Variants in TALDO1 observed in about 807,000 individuals in gnomAD.
The protein encoded by TALDO1 is transaldolase.
In TALDO1, 29 loss-of-function variants were observed where a neutral mutation model predicts 38.1. That is an observed-to-expected ratio of 0.76 (90% CI 0.57 to 1.04). The LOEUF is 1.04. TALDO1 is among the 50% of genes least tolerant of loss of function. The probability of loss-of-function intolerance (pLI) is 0.00; values close to 1 mark genes in which losing one functional copy is unlikely to be tolerated. For missense variants in TALDO1, 499 were observed against 438.1 expected (o/e 1.14, Z -1.24); for synonymous variants, 207 against 176.8 (o/e 1.17, Z -1.36).
chr11:761,397 A>C (rs1034398692), intron 4 of TALDO1, among the ~76,000 whole-genome samples: 3 of 151,296 alleles, frequency 2.0e-5, no homozygotes, highest in African/African-American at 7.3e-5. Context: ...GCTACTTAGG[A>C]GGCTGAGGCG....
chr11:763,602 G>A lies in TALDO1; in HGVS notation c.637+83G>A, dbSNP rs762199146. The A allele has an allele frequency of 6.2e-5, 98 of 1,587,188 alleles. 1 individual carries two copies. Among genetic ancestry groups the A allele is most frequent in the South Asian group, 3.0e-4 (27 of 90,370 alleles). On this transcript the variant is annotated intron_variant, in intron 5 of 7. Transcript: ENST00000319006. ...AGGAAGAGCCCGAGACGGAGCTGCC[G>A]CATCAACAAGCAGTGAGGTGCACAG...
At position 747,467 on chromosome 11, in the gene TALDO1, C is replaced by A. The variant is rs746456639; in HGVS notation, c.-15C>A. On this transcript the variant is annotated 5_prime_UTR_variant, in exon 1 of 8. Coordinates refer to ENST00000319006, the MANE Select transcript of TALDO1 (RefSeq NM_006755.2). ...CCGTCGCCGCCGCCGCCGCCGCAGA[C>A]CCCTCGGTCTTGCTATGTCGAGCTC... The A allele has an allele frequency of 4.5e-6, 7 of 1,571,054 alleles. No homozygotes were observed. In the Admixed American group the frequency reaches 1.1e-4, roughly 24 times the overall value.
At chr11:759,230 G>C (rs996185133) in intron 3 of TALDO1, among the ~76,000 whole-genome samples, 173 bp downstream of exon 3, 1 of 152,138 alleles carries the variant, frequency 6.6e-6, no homozygotes, top group Admixed American at 6.5e-5. Flanking sequence ...AGAGCTCCTT[G>C]TTTAGCAACT....
intron 1 of TALDO1, among the ~76,000 whole-genome samples, chr11:750,854 G>A (rs912530718): frequency 6.6e-6 from 1 of 151,902 alleles, no homozygotes; most frequent in African/African-American, 2.4e-5. Flanking sequence ...TACTGAACTG[G>A]CTAATCTGGA....
intron 7 of TALDO1, 111 bp from the exon 8 acceptor site, chr11:764,698 CCACA>C (rs1863018587): frequency 3.9e-6 from 6 of 1,547,446 alleles, no homozygotes; most frequent in South Asian, 1.1e-5. Flanking sequence ...GCCGTGGCCC[CCACA>C]CAGAGTGCAG....
chr11:751,413 A>G (rs1862748940), intron 1 of TALDO1, among the ~76,000 whole-genome samples: 1 of 152,134 alleles, frequency 6.6e-6, no homozygotes, highest in South Asian at 2.1e-4. Flanking sequence ...TCATGCGTAT[A>G]ATCCCCAGCA....
In TALDO1 at chr11:764,793, C is replaced by T. The variant is rs1230242806; in HGVS notation, c.982-20C>T. 6.2e-6 allele frequency: 10 copies of T among 1,614,028 alleles called. No homozygotes were observed. Among genetic ancestry groups the T allele is most frequent in the East Asian group, 2.2e-5 (1 of 44,892 alleles). ...GAAGGTAGGGTGGGGAGACACAGCT[C>T]GTGCTCTGTTTGTTTCTAGGAACGA... On this transcript the variant is annotated intron_variant, in intron 7 of 7. Transcript: ENST00000319006.
At chr11:763,545 G>GT (rs1392928991) in intron 5 of TALDO1, 26 bp downstream of exon 5, 1 of 1,613,410 alleles carries the variant, frequency 6.2e-7, no homozygotes, top group Non-Finnish European at 8.5e-7. Flanking sequence ...TGGTAATGGG[G>GT]TAAGGGGAGC....
intron 4 of TALDO1, chr11:761,041 G>C (rs902246099): frequency 7.4e-6 from 1 of 135,784 alleles, no homozygotes; most frequent in East Asian, 2.3e-4. Context: ...AAAAAGAAAA[G>C]AAAACTTTTA....
At chr11:747,710 T>C in intron 1 of TALDO1, 132 bp downstream of exon 1, 1 of 750,648 alleles carries the variant, frequency 1.3e-6, no homozygotes. Flanking sequence ...CCGGGAGGAA[T>C]GAGCGCAGGT....
At chr11:751,761 C>T (rs1211063281) in intron 1 of TALDO1, among the ~76,000 whole-genome samples, 1 of 152,066 alleles carries the variant, frequency 6.6e-6, no homozygotes, top group Non-Finnish European at 1.5e-5. Flanking sequence ...CGCCACTGCA[C>T]TCTAGCCTGG....
chr11:751,333 A>C (rs1353940210), intron 1 of TALDO1, among the ~76,000 whole-genome samples: 2 of 152,208 alleles, frequency 1.3e-5, no homozygotes, highest in Non-Finnish European at 2.9e-5. Context: ...AAAAAATTGC[A>C]GTTCAAGCAG....
intron 4 of TALDO1, among the ~76,000 whole-genome samples, chr11:761,215 A>C (rs1862918832): frequency 6.6e-6 from 1 of 151,904 alleles, no homozygotes; most frequent in African/African-American, 2.4e-5. Flanking sequence ...AGGTGCCTGT[A>C]ATCCTAGCTA....
chr11:757,203 T>C (rs1862852285), intron 2 of TALDO1, among the ~76,000 whole-genome samples: 1 of 152,048 alleles, frequency 6.6e-6, no homozygotes, highest in Non-Finnish European at 1.5e-5. Context: ...GAGGCCTTGG[T>C]GCTCCTGTTA....
intron 3 of TALDO1, 105 bp downstream of exon 3, chr11:759,162 C>T: frequency 1.1e-6 from 1 of 934,356 alleles, no homozygotes; most frequent in Non-Finnish European, 1.7e-6. Flanking sequence ...TGGTCTTCAT[C>T]CCAAGGGCCC....
In TALDO1 at chr11:755,918, C is replaced by T. The variant is rs761374175; in HGVS notation, c.137C>T (p.Pro46Leu). 12 of 1,614,148 alleles carry T rather than the reference C, an allele frequency of 7.4e-6. No homozygotes were observed. Among genetic ancestry groups the T allele is most frequent in the Non-Finnish European group, 1.0e-5 (12 of 1,180,026 alleles). The change falls in exon 2 of 8, where the codon CCG becomes CTG. Residue 46 changes from proline (P) to leucine (L), a missense_variant. Physicochemically the swap from Pro to Leu is moderately conservative, Grantham distance 98. Transcript: ENST00000319006. ...EYKPQDATTNPSLILAAAQMP... is the reference protein window; with the variant it reads ...EYKPQDATTNLSLILAAAQMP... ...AAGCCCCAGGATGCTACCACCAACC[C>T]GTCCCTGATCCTGGCCGCAGCACAG...
chr11:758,943 A>T lies in TALDO1; in HGVS notation c.222-7A>T. 6.2e-7 allele frequency: 1 copy of T among 1,606,792 alleles called. No homozygotes were observed. Among genetic ancestry groups the T allele is most frequent in the Non-Finnish European group, 8.5e-7 (1 of 1,175,534 alleles). ...TCTAACCTGCTTTTTTTCCCTTTGAATTTCAGGTCACAAGAGGACCAGATT... is the reference window on the plus strand; with the variant it reads ...TCTAACCTGCTTTTTTTCCCTTTGATTTTCAGGTCACAAGAGGACCAGATT... On this transcript the variant is annotated splice_polypyrimidine_tract_variant and splice_region_variant and intron_variant, in intron 2 of 7. Coordinates refer to ENST00000319006, the MANE Select transcript of TALDO1 (RefSeq NM_006755.2).
At chr11:760,059 G>C in intron 3 of TALDO1, 63 bp from the exon 4 acceptor site, 1 of 1,609,348 alleles carries the variant, frequency 6.2e-7, no homozygotes, top group Non-Finnish European at 8.5e-7. Flanking sequence ...CCGGCCTCCA[G>C]CTTGCTCTGC....
chr11:755,134 CCTTT>C (rs1564991032), intron 1 of TALDO1, among the ~76,000 whole-genome samples: 1 of 122,014 alleles, frequency 8.2e-6, no homozygotes, highest in Non-Finnish European at 1.7e-5. Context: ...TTCCCCTTGG[CCTTT>C]TTTTTTTTTT....
Sources: gnomAD v4.1 joint callset for allele counts (sites outside exome capture counted in the v4.1 genomes callset) on GRCh38, gnomAD v4.1.1 for gene constraint, MANE v1.5 for transcripts, NCBI Gene and HGNC (gene_info 2026-07-23, HGNC 2026-07-21) for gene names.